The following NEIL3 variants were observed in gnomAD, a reference collection of about 807,000 sequenced individuals.
The protein encoded by NEIL3 is endonuclease 8-like 3.
A neutral mutation model predicts 57.5 loss-of-function variants in NEIL3; 48 were observed. The ratio of observed to expected loss-of-function variants is 0.83; its 90% CI spans 0.66 to 1.06. The LOEUF (loss-of-function observed/expected upper bound fraction) is 1.06. NEIL3 is among the 50% of genes least tolerant of loss of function. The pLI, the probability that NEIL3 is intolerant of heterozygous loss-of-function variation, is 0.00. For missense variants in NEIL3, 717 were observed against 739.1 expected (o/e 0.97, Z 0.35); for synonymous variants, 261 against 253.2 (o/e 1.03, Z -0.29).
Position 177,349,177 on chromosome 4 carries a change from C to T in NEIL3, c.870-2203C>T, listed in dbSNP as rs536083376. Reference sequence around the variant, plus strand: ...GATTACAGGCGTGAGCCACCGCGCCCGGCCTCGTGGGTCATGAATTTTGTC... The same window carrying T: ...GATTACAGGCGTGAGCCACCGCGCCTGGCCTCGTGGGTCATGAATTTTGTC... On this transcript the variant is annotated intron_variant, in intron 6 of 9. Transcript: ENST00000264596. Among the ~76,000 whole-genome samples the T allele has an allele frequency of 6.6e-5, 10 of 151,918 alleles. No individual in the cohort carries two copies. The East Asian group carries it at 1.6e-3, about 24-fold the overall frequency.
At chr4:177,318,028 C>A (rs1170377523) in intron 1 of NEIL3, among the ~76,000 whole-genome samples, 1 of 152,184 alleles carries the variant, frequency 6.6e-6, no homozygotes, top group Non-Finnish European at 1.5e-5. Flanking sequence ...AAACCTATCC[C>A]TCAGCATTGG....
At chr4:177,343,900 G>A (rs987273652) in intron 6 of NEIL3, among the ~76,000 whole-genome samples, 6 of 151,916 alleles carry the variant, frequency 3.9e-5, no homozygotes, top group Non-Finnish European at 8.8e-5. Context: ...ATACTGCGTT[G>A]AACACAGTAG....
rs772526444 is a variant in NEIL3, at chr4:177,360,530, C to T, written c.1488C>T (p.Gly496=). 1 of 1,613,668 alleles carries T rather than the reference C, an allele frequency of 6.2e-7. No individual in the cohort carries two copies. The highest frequency in any genetic ancestry group is 1.3e-5 in the African/African-American group (1 of 74,896). The change falls in exon 9 of 10, where the codon GGC becomes GGT. Residue 496 remains glycine (G), a synonymous_variant. Coordinates refer to ENST00000264596, the MANE Select transcript of NEIL3 (RefSeq NM_018248.3). ...NSELQINMTD[G]PRTLNPDSPR... is the part of the protein sequence containing the mutation. ...AACTTCAAATTAATATGACAGATGG[C>T]CCTCGTACCTTAAATCCTGACAGCC...
chr4:177,336,504 C>G (rs1734983114), intron 4 of NEIL3, among the ~76,000 whole-genome samples, 183 bp downstream of exon 4: 1 of 152,152 alleles, frequency 6.6e-6, no homozygotes, highest in South Asian at 2.1e-4. Context: ...CTTGCACTTA[C>G]AGTTGCCTTG....
At chr4:177,349,034 A>ATTTTTTTTTTTTTTTT (rs70938582) in intron 6 of NEIL3, among the ~76,000 whole-genome samples, 1 of 100,458 alleles carries the variant, frequency 1.0e-5, no homozygotes, top group East Asian at 2.8e-4. Context: ...CACCTGGCTA[A>ATTTTTTTTTTTTTTTT]TTTTTTTTTT....
chr4:177,366,847 C>A (rs1735699145), downstream of NEIL3, among the ~76,000 whole-genome samples: 1 of 152,172 alleles, frequency 6.6e-6, no homozygotes, highest in African/African-American at 2.4e-5. Context: ...ATTTTTCTCT[C>A]TCTTTTGGAC....
chr4:177,312,119 G>C (rs754065969), intron 1 of NEIL3, among the ~76,000 whole-genome samples: 2 of 152,078 alleles, frequency 1.3e-5, no homozygotes, highest in Non-Finnish European at 2.9e-5. Flanking sequence ...TGATGGTATG[G>C]CATGAGATGC....
At chr4:177,368,682 T>C in the NEIL3 span, among the ~76,000 whole-genome samples, 1 of 152,354 alleles carries the variant, frequency 6.6e-6, no homozygotes, top group South Asian at 2.1e-4. Context: ...TGAACATTTT[T>C]AACGTTGTTA....
At chr4:177,330,530 G>GA (rs549203579) in intron 2 of NEIL3, among the ~76,000 whole-genome samples, 18 of 151,500 alleles carry the variant, frequency 1.2e-4, no homozygotes, top group Non-Finnish European at 1.8e-4. Flanking sequence ...AAGCAATAGA[G>GA]AAAAAAAATC....
chr4:177,349,635 G>A (rs1735310506), intron 6 of NEIL3, among the ~76,000 whole-genome samples: 1 of 152,112 alleles, frequency 6.6e-6, no homozygotes, highest in Admixed American at 6.5e-5. Flanking sequence ...TCCTGGAATT[G>A]TGCCCTATGT....
At chr4:177,366,667 G>A (rs577204759), downstream of NEIL3, among the ~76,000 whole-genome samples, 1 of 152,296 alleles carries the variant, frequency 6.6e-6, no homozygotes, top group Admixed American at 6.5e-5. Context: ...CCAAAGTGCT[G>A]GGATTACAGG....
chr4:177,332,277 G>T (rs944033699), intron 2 of NEIL3, among the ~76,000 whole-genome samples: 6 of 152,196 alleles, frequency 3.9e-5, no homozygotes, highest in Non-Finnish European at 8.8e-5. Context: ...ACAGTATTTT[G>T]TGCCAAAGCC....
At chr4:177,338,906 T>C (rs999956855) in intron 4 of NEIL3, among the ~76,000 whole-genome samples, 2 of 152,186 alleles carry the variant, frequency 1.3e-5, no homozygotes, top group African/African-American at 4.8e-5. Context: ...TGATAGACAA[T>C]GCTGAGACTT....
rs191166145 is a variant in NEIL3 at position 177,344,743 on chromosome 4, G to A, written c.869+3101G>A. On this transcript the variant is annotated intron_variant, in intron 6 of 9. Transcript: ENST00000264596. ...CGCCCAGCTAATTTTTGTATTTTTA[G>A]TAGAGACGGGGTTTCACCATGTGGG... is the stretch of plus-strand genomic sequence containing the variant. Among the ~76,000 whole-genome samples, 3 of 152,044 alleles carry A rather than the reference G, an allele frequency of 2.0e-5. No individual in the cohort carries two copies. In the South Asian group the frequency reaches 6.2e-4, roughly 32 times the overall value.
chr4:177,336,365 A>G (rs763026175), intron 4 of NEIL3, 44 bp downstream of exon 4: 8 of 1,504,342 alleles, frequency 5.3e-6, no homozygotes, highest in South Asian at 4.6e-5. Flanking sequence ...ATTTTTCGGT[A>G]CTGTGAAGGA....
intron 1 of NEIL3, among the ~76,000 whole-genome samples, chr4:177,312,994 G>A (rs932740516): frequency 2.6e-5 from 4 of 152,200 alleles, no homozygotes; most frequent in African/African-American, 9.6e-5. Context: ...TACTGTAGCA[G>A]ATGATCCCAT....
intron 2 of NEIL3, among the ~76,000 whole-genome samples, chr4:177,328,843 T>C (rs984922401): frequency 1.3e-5 from 2 of 152,158 alleles, no homozygotes; most frequent in Non-Finnish European, 2.9e-5. Flanking sequence ...TTATAACATA[T>C]GTCAGAGTAA....
intron 1 of NEIL3, among the ~76,000 whole-genome samples, chr4:177,316,145 A>G (rs1448624121): frequency 6.6e-6 from 1 of 152,208 alleles, no homozygotes; most frequent in Non-Finnish European, 1.5e-5. Flanking sequence ...ACATACTGTA[A>G]TAAAAGTTAA....
chr4:177,339,209 A>T (rs1033789680), intron 4 of NEIL3, among the ~76,000 whole-genome samples: 1 of 152,252 alleles, frequency 6.6e-6, no homozygotes, highest in African/African-American at 2.4e-5. Context: ...AGCCTTACTG[A>T]TAACATAGTT....
Sources: gnomAD v4.1 joint callset for allele counts (sites outside exome capture counted in the v4.1 genomes callset) on GRCh38, gnomAD v4.1.1 for gene constraint, MANE v1.5 for transcripts, NCBI Gene and HGNC (gene_info 2026-07-23, HGNC 2026-07-21) for gene names.